Variants in COA1 observed in about 807,000 individuals in gnomAD.
The protein encoded by COA1 is cytochrome c oxidase assembly factor 1 homolog.
A neutral mutation model predicts 16.0 loss-of-function variants in COA1; 13 were observed. The ratio of observed to expected loss-of-function variants is 0.81; its 90% CI spans 0.53 to 1.29. The LOEUF (loss-of-function observed/expected upper bound fraction) is 1.29, where lower values mean the gene tolerates loss of function less well. Ranked by LOEUF, COA1 falls within the 50% of genes most tolerant of loss-of-function variation. The pLI is 0.00. For missense variants in COA1, 179 were observed against 177.0 expected (o/e 1.01, Z -0.06); for synonymous variants, 65 against 65.7 (o/e 0.99, Z 0.05).
At chr7:43,633,293 G>A (rs1013012741) in intron 6 of COA1, 3 of 152,124 alleles carry the variant, frequency 2.0e-5, no homozygotes, top group African/African-American at 7.2e-5. Flanking sequence ...CATGAACACT[G>A]CTAGCTTCAA....
At chr7:43,633,207 A>G (rs1182427164) in intron 6 of COA1, 1 of 152,258 alleles carries the variant, frequency 6.6e-6, no homozygotes, top group East Asian at 1.9e-4. Context: ...TCTTCTGTGT[A>G]ACTTCTACAG....
downstream of COA1, among the ~76,000 whole-genome samples, chr7:43,638,565 CCTT>C (rs1178534957): frequency 2.6e-4 from 32 of 125,244 alleles, no homozygotes; most frequent in African/African-American, 1.0e-3. Flanking sequence ...CTTTTTCTTT[CCTT>C]TTTTTTTTTT....
At chr7:43,673,086 C>T (rs187856839) in intron 1 of COA1, among the ~76,000 whole-genome samples, 29 of 152,288 alleles carry the variant, frequency 1.9e-4, no homozygotes, top group Middle Eastern at 3.4e-3. Flanking sequence ...CTAGGAAATA[C>T]ATTCTGGACA....
chr7:43,666,421 C>A (rs933720668), intron 1 of COA1, among the ~76,000 whole-genome samples: 2 of 152,124 alleles, frequency 1.3e-5, no homozygotes, highest in Non-Finnish European at 2.9e-5. Context: ...AGCCAGTAAC[C>A]CTATTAAGAA....
At chr7:43,711,351 GAAC>G (rs1203939267) in intron 1 of COA1, 5 of 151,456 alleles carry the variant, frequency 3.3e-5, no homozygotes, top group East Asian at 1.9e-4. Flanking sequence ...AACACAATAA[GAAC>G]AACAGATCAA....
chr7:43,637,162 T>TA (rs758095757), downstream of COA1, among the ~76,000 whole-genome samples: 1 of 152,226 alleles, frequency 6.6e-6, no homozygotes, highest in East Asian at 1.9e-4. Context: ...GACAGCCTCT[T>TA]AGATTCCCCC....
intron 1 of COA1, among the ~76,000 whole-genome samples, chr7:43,709,472 G>GTGTA (rs1554557785): frequency 6.8e-6 from 1 of 147,598 alleles, no homozygotes; most frequent in Non-Finnish European, 1.5e-5. Flanking sequence ...GTGTGTGTGT[G>GTGTA]TATACGCATG....
At chr7:43,654,740 T>C (rs78470330) in intron 1 of COA1, among the ~76,000 whole-genome samples, 417 of 152,286 alleles carry the variant, frequency 2.7e-3, no homozygotes, top group African/African-American at 9.4e-3. Flanking sequence ...ACAAAAATGA[T>C]ACTAAAAGAA....
chr7:43,618,355 A>C (rs972955875), intron 6 of COA1, among the ~76,000 whole-genome samples: 1 of 152,190 alleles, frequency 6.6e-6, no homozygotes, highest in African/African-American at 2.4e-5. Context: ...CGTCCTGAAC[A>C]AAGGCAGTAC....
chr7:43,625,101 C>G (rs2084362742), intron 6 of COA1: 1 of 317,098 alleles, frequency 3.2e-6, no homozygotes, highest in African/African-American at 2.2e-5. Context: ...ATTCTACATC[C>G]TGTTTCTCCA....
At chr7:43,621,077 A>G (rs1470009736) in intron 6 of COA1, among the ~76,000 whole-genome samples, 1 of 152,246 alleles carries the variant, frequency 6.6e-6, no homozygotes, top group Non-Finnish European at 1.5e-5. Context: ...CGGAGCACAG[A>G]AAGACTCAGG....
chr7:43,609,963 C>A (rs184991245), intron 6 of COA1, among the ~76,000 whole-genome samples: 234 of 152,328 alleles, frequency 1.5e-3, no homozygotes, highest in Non-Finnish European at 2.6e-3. Flanking sequence ...CTTGTTAATA[C>A]AAATTGCTAG....
intron 4 of COA1, 58 bp downstream of exon 4, chr7:43,645,193 T>C (rs187948540): frequency 3.4e-5 from 53 of 1,555,888 alleles, no homozygotes; most frequent in Admixed American, 1.7e-4. Flanking sequence ...CAGGAGACAG[T>C]AGACTCTCCT....
At chr7:43,674,321 ACT>A (rs1267188035) in intron 1 of COA1, among the ~76,000 whole-genome samples, 2 of 152,156 alleles carry the variant, frequency 1.3e-5, no homozygotes, top group African/African-American at 4.8e-5. Flanking sequence ...TTAAAATTCA[ACT>A]CTGAGTAAAC....
At chr7:43,685,826 C>A (rs1456160858) in intron 1 of COA1, among the ~76,000 whole-genome samples, 2 of 152,112 alleles carry the variant, frequency 1.3e-5, no homozygotes, top group African/African-American at 2.4e-5. Context: ...TGAACAAATA[C>A]CTCCCCATTA....
chr7:43,633,382 C>A (rs951588375), intron 6 of COA1: 6 of 152,190 alleles, frequency 3.9e-5, no homozygotes, highest in African/African-American at 1.4e-4. Flanking sequence ...AATTTCAATA[C>A]TGTTGTGTCT....
At chr7:43,674,678 G>C (rs1427273361) in intron 1 of COA1, among the ~76,000 whole-genome samples, 1 of 152,200 alleles carries the variant, frequency 6.6e-6, no homozygotes, top group African/African-American at 2.4e-5. Flanking sequence ...TGTGATTTGT[G>C]ACAAATGGAC....
At chr7:43,704,736 GTT>G (rs1282448874) in intron 1 of COA1, among the ~76,000 whole-genome samples, 1 of 152,124 alleles carries the variant, frequency 6.6e-6, no homozygotes, top group Non-Finnish European at 1.5e-5. Context: ...CCTGGATTGG[GTT>G]TCAACCTTCT....
intron 1 of COA1, among the ~76,000 whole-genome samples, chr7:43,728,738 A>T (rs1201487828): frequency 1.3e-5 from 2 of 152,212 alleles, no homozygotes; most frequent in Non-Finnish European, 2.9e-5. Flanking sequence ...TGCTACTTCT[A>T]TCCAAACGTG....
Sources: allele counts gnomAD v4.1 joint callset (sites outside exome capture counted in the v4.1 genomes callset), GRCh38; gene constraint gnomAD v4.1.1; transcripts MANE v1.5; gene names NCBI Gene and HGNC (gene_info 2026-07-23, HGNC 2026-07-21).